The following RMDN2 variants were observed in gnomAD, a reference collection of about 807,000 sequenced individuals.
RMDN2 encodes the protein regulator of microtubule dynamics 2.
Under a neutral mutation model 52.8 loss-of-function variants are expected in RMDN2, and 61 were observed. The ratio of observed to expected loss-of-function variants is 1.16; its 90% CI spans 0.94 to 1.43. The LOEUF (loss-of-function observed/expected upper bound fraction) is 1.43, where lower values mean the gene tolerates loss of function less well. Ranked by LOEUF, RMDN2 falls within the 40% of genes most tolerant of loss-of-function variation. The pLI is 0.00. For synonymous variants in RMDN2, 180 were observed against 153.1 expected (o/e 1.18, Z -1.30); for missense variants, 592 against 475.3 (o/e 1.25, Z -2.28).
intron 2 of RMDN2, among the ~76,000 whole-genome samples, chr2:37,932,644 C>A (rs1192558560): frequency 1.3e-5 from 2 of 151,000 alleles, no homozygotes; most frequent in African/African-American, 2.4e-5. Context: ...GGCGGCCGGG[C>A]AGAGGCGCCC....
chr2:37,942,083 A>G (rs1037878878), intron 2 of RMDN2, among the ~76,000 whole-genome samples: 15 of 152,042 alleles, frequency 9.9e-5, no homozygotes, highest in Admixed American at 6.5e-5. Flanking sequence ...ACCGTGGGAA[A>G]AGTGTAGTAT....
At chr2:37,968,969 T>G (rs1456489852) in intron 2 of RMDN2, among the ~76,000 whole-genome samples, 3 of 152,252 alleles carry the variant, frequency 2.0e-5, no homozygotes, top group East Asian at 3.9e-4. Context: ...CTTATAAGTT[T>G]CTGAGAAATA....
At chr2:38,027,088 A>T (rs1485184969) in intron 10 of RMDN2, 1 of 152,216 alleles carries the variant, frequency 6.6e-6, no homozygotes, top group South Asian at 2.1e-4. Flanking sequence ...GTACACTGAA[A>T]CAGCATGCAT....
At chr2:38,050,359 TAAA>T (rs368964616) in intron 10 of RMDN2, among the ~76,000 whole-genome samples, 2 of 145,646 alleles carry the variant, frequency 1.4e-5, no homozygotes, top group Non-Finnish European at 3.0e-5. Flanking sequence ...AAAAAAAAAA[TAAA>T]AAAAAAACCT....
At chr2:37,971,174 G>T (rs1040274780) in intron 2 of RMDN2, among the ~76,000 whole-genome samples, 1 of 151,998 alleles carries the variant, frequency 6.6e-6, no homozygotes, top group Non-Finnish European at 1.5e-5. Context: ...TTATGAGAAA[G>T]AAAACATATA....
At chr2:38,005,612 A>T (rs1676968789) in intron 10 of RMDN2, among the ~76,000 whole-genome samples, 1 of 152,226 alleles carries the variant, frequency 6.6e-6, no homozygotes, top group Non-Finnish European at 1.5e-5. Context: ...GCCCTTTGTC[A>T]GATGAGTAGA....
At chr2:37,962,628 C>G (rs952157250) in intron 2 of RMDN2, among the ~76,000 whole-genome samples, 1 of 152,144 alleles carries the variant, frequency 6.6e-6, no homozygotes, top group Non-Finnish European at 1.5e-5. Flanking sequence ...TTGCTGGGCT[C>G]CATGGGGGTG....
At position 37,975,284 on chromosome 2, in the gene RMDN2, A is replaced by G; in HGVS notation, c.700A>G (p.Thr234Ala). Residue 234 changes from threonine (T) to alanine (A), a missense_variant, in exon 4 of 11, where the codon ACA becomes GCA. Coordinates refer to ENST00000354545, the MANE Select transcript of RMDN2 (RefSeq NM_001170791.3). ...AGACATGTATGAACTATCTACAAAC[A>G]CACAAGAAAAGAAACATTATGCTAA... is the stretch of plus-strand genomic sequence containing the variant. ...YGDMYELSTN[T>A]QEKKHYANIG... 6.2e-7 allele frequency: 1 copy of G among 1,605,256 alleles called. No homozygotes were observed. Among genetic ancestry groups the G allele is most frequent in the East Asian group, 2.2e-5 (1 of 44,808 alleles).
At chr2:38,024,048 C>T (rs555650382) in intron 10 of RMDN2, among the ~76,000 whole-genome samples, 1 of 151,994 alleles carries the variant, frequency 6.6e-6, no homozygotes, top group African/African-American at 2.4e-5. Flanking sequence ...GTTATACACC[C>T]CTTTGTCTGA....
chr2:38,030,285 A>G (rs967767845), intron 10 of RMDN2: 6 of 152,206 alleles, frequency 3.9e-5, no homozygotes, highest in African/African-American at 1.4e-4. Context: ...TACAGACCAC[A>G]TATGAAGGTT....
At chr2:38,009,839 T>G (rs1449446432) in intron 10 of RMDN2, among the ~76,000 whole-genome samples, 6 of 152,148 alleles carry the variant, frequency 3.9e-5, no homozygotes, top group Non-Finnish European at 8.8e-5. Flanking sequence ...ATCTTTGTGG[T>G]TTTTTTCTAC....
chr2:38,051,522 A>G (rs778872824), intron 10 of RMDN2, among the ~76,000 whole-genome samples: 2 of 152,166 alleles, frequency 1.3e-5, no homozygotes, highest in Non-Finnish European at 1.5e-5. Flanking sequence ...AACATTTGTC[A>G]TTTCTTTGTG....
rs184767063 is a variant in RMDN2, at chr2:38,065,228, C to T, written c.1714-1754C>T. 5.3e-5 allele frequency among the ~76,000 whole-genome samples: 8 copies of T among 152,150 alleles called. No individual in the cohort carries two copies. In the East Asian group the frequency reaches 1.5e-3, roughly 29 times the overall value. On this transcript the variant is annotated intron_variant, in intron 10 of 10. Transcript: ENST00000234195. ...ATTAAGCAACAGGATGAGATATGTACAGCACTTACATAAAGTAAAACATAT... is the reference window on the plus strand; with the variant it reads ...ATTAAGCAACAGGATGAGATATGTATAGCACTTACATAAAGTAAAACATAT...
intron 7 of RMDN2, among the ~76,000 whole-genome samples, chr2:37,997,033 C>T (rs781236293): frequency 3.3e-5 from 5 of 152,010 alleles, no homozygotes; most frequent in African/African-American, 4.8e-5. Flanking sequence ...GTGTGCTGTA[C>T]GAAGAGATAC....
rs143828523 is a variant in RMDN2 at position 38,003,904 on chromosome 2, G to C, written c.1045-87G>C. On this transcript the variant is annotated intron_variant, in intron 8 of 10. Coordinates refer to ENST00000354545, the MANE Select transcript of RMDN2 (RefSeq NM_001170791.3). Reference sequence around the variant, plus strand: ...TAGGGCAGTTTGGTTCATAATATTTGATTTATTTAAATATATTCTCTTCAC... The same window carrying C: ...TAGGGCAGTTTGGTTCATAATATTTCATTTATTTAAATATATTCTCTTCAC... 556 of 1,056,710 alleles carry C rather than the reference G, an allele frequency of 5.3e-4. 5 individuals are homozygous for C. In the East Asian group the frequency reaches 0.013, roughly 24 times the overall value. The allele number at this position is 1,056,710 out of a possible 1,614,324, so 65.5% of individuals were successfully genotyped here. A position where few individuals can be genotyped will look rare whatever the true frequency, so the allele number is the denominator to read the frequency against.
chr2:38,026,273 T>G (rs1349316986), intron 10 of RMDN2, among the ~76,000 whole-genome samples: 2 of 152,132 alleles, frequency 1.3e-5, no homozygotes, highest in African/African-American at 4.8e-5. Context: ...CCTTATTCTT[T>G]TATTATCTAT....
chr2:38,002,299 TATGGGAAAAAGTATGTTA>T (rs2125183540), intron 8 of RMDN2, among the ~76,000 whole-genome samples: 1 of 152,166 alleles, frequency 6.6e-6, no homozygotes, highest in East Asian at 1.9e-4. Flanking sequence ...TACACAAGCA[TATGGGAAAAAGTATGTTA>T]ATTGGTTATT....
chr2:37,960,925 A>G (rs377030842), intron 2 of RMDN2, among the ~76,000 whole-genome samples: 4 of 152,220 alleles, frequency 2.6e-5, no homozygotes, highest in South Asian at 2.1e-4. Flanking sequence ...TCTGTAAAGG[A>G]TTTTATTTCT....
intron 2 of RMDN2, chr2:37,951,661 G>A: frequency 6.2e-7 from 1 of 1,613,300 alleles, no homozygotes; most frequent in Non-Finnish European, 8.5e-7. Context: ...CCTCAAGCAA[G>A]TGGCCAGAAT....
Sources: allele counts gnomAD v4.1 joint callset (sites outside exome capture counted in the v4.1 genomes callset), GRCh38; gene constraint gnomAD v4.1.1; transcripts MANE v1.5; gene names NCBI Gene and HGNC (gene_info 2026-07-23, HGNC 2026-07-21).